The following TYW1 variants were observed in gnomAD, a reference collection of about 807,000 sequenced individuals.
TYW1 encodes the protein tRNA-yW synthesizing protein 1 homolog, also known as S-adenosyl-L-methionine-dependent tRNA 4-demethylwyosine synthase TYW1.
Under a neutral mutation model 96.2 loss-of-function variants are expected in TYW1, and 46 were observed. The observed-to-expected ratio is 0.48, with a 90% CI of 0.38 to 0.61. The LOEUF (loss-of-function observed/expected upper bound fraction) is 0.61. TYW1 is among the 20% of genes least tolerant of loss of function. The probability of loss-of-function intolerance (pLI) is 0.00; values close to 1 mark genes in which losing one functional copy is unlikely to be tolerated. For missense variants in TYW1, 684 were observed against 909.6 expected (o/e 0.75, Z 3.19); for synonymous variants, 274 against 323.0 (o/e 0.85, Z 1.63).
intron 15 of TYW1, among the ~76,000 whole-genome samples, chr7:67,230,097 C>T (rs1801699402): frequency 7.0e-6 from 1 of 141,858 alleles, no homozygotes; most frequent in Admixed American, 7.0e-5. Flanking sequence ...TAACACCCTC[C>T]AATTTGAATC....
At chr7:67,105,487 G>T (rs116680796) in intron 12 of TYW1, among the ~76,000 whole-genome samples, 1 of 152,074 alleles carries the variant, frequency 6.6e-6, no homozygotes, top group Non-Finnish European at 1.5e-5. Flanking sequence ...TGGAGCCAAC[G>T]CTGAAAAACC....
intron 13 of TYW1, among the ~76,000 whole-genome samples, chr7:67,172,874 C>G (rs963831939): frequency 1.3e-4 from 19 of 151,932 alleles, no homozygotes; most frequent in African/African-American, 4.1e-4. Flanking sequence ...AATCCCAGCA[C>G]TTTGGGAGTT....
intron 13 of TYW1, among the ~76,000 whole-genome samples, chr7:67,176,817 A>G (rs1181400717): frequency 2.0e-5 from 3 of 152,094 alleles, no homozygotes; most frequent in Non-Finnish European, 4.4e-5. Flanking sequence ...GACATTTTAG[A>G]CTGGATAGTT....
intron 9 of TYW1, among the ~76,000 whole-genome samples, chr7:67,062,577 A>AAAAAAAAAAAAAAAAG (rs773963932): frequency 1.2e-3 from 173 of 147,104 alleles, no homozygotes; most frequent in Non-Finnish European, 1.8e-3. Flanking sequence ...AAAAAAAAAA[A>AAAAAAAAAAAAAAAAG]AAAAGAAAAG....
At chr7:67,120,426 G>A (rs1797727849) in intron 13 of TYW1, among the ~76,000 whole-genome samples, 1 of 152,162 alleles carries the variant, frequency 6.6e-6, no homozygotes, top group Admixed American at 6.5e-5. Context: ...ACAGAGATTT[G>A]TAAAGTACCA....
At chr7:67,095,866 A>T (rs1228476634) in intron 11 of TYW1, among the ~76,000 whole-genome samples, 1 of 152,196 alleles carries the variant, frequency 6.6e-6, no homozygotes, top group African/African-American at 2.4e-5. Flanking sequence ...TGAGCAGTGA[A>T]ATTTAACTTT....
At chr7:67,035,622 C>T (rs796297294) in intron 7 of TYW1, among the ~76,000 whole-genome samples, 4 of 152,232 alleles carry the variant, frequency 2.6e-5, no homozygotes, top group African/African-American at 7.2e-5. Context: ...GGAAAGGATA[C>T]AGAAAATCAG....
intron 11 of TYW1, among the ~76,000 whole-genome samples, chr7:67,090,797 C>T (rs1796691712): frequency 6.6e-6 from 1 of 152,050 alleles, no homozygotes; most frequent in South Asian, 2.1e-4. Context: ...CTTTCTTCTC[C>T]AGGAATCCTT....
At chr7:67,227,514 C>A (rs1245051864) in intron 15 of TYW1, among the ~76,000 whole-genome samples, 1 of 152,124 alleles carries the variant, frequency 6.6e-6, no homozygotes, top group Non-Finnish European at 1.5e-5. Flanking sequence ...ACCTCAGCTG[C>A]CCAAAGTGCT....
chr7:67,056,357 T>C (rs776445922), intron 9 of TYW1, among the ~76,000 whole-genome samples: 2 of 152,124 alleles, frequency 1.3e-5, no homozygotes, highest in Non-Finnish European at 2.9e-5. Flanking sequence ...TCAGGTGTGG[T>C]GGTGGGCGTC....
chr7:67,238,966 G>A lies in TYW1; in HGVS notation c.*437G>A. 1 of 996,830 alleles carries A rather than the reference G, an allele frequency of 1.0e-6. No individual in the cohort carries two copies. The highest frequency in any genetic ancestry group is 4.4e-5 in the South Asian group (1 of 22,642). The allele number at this position is 996,830 out of a possible 1,614,324, so 61.7% of individuals were successfully genotyped here. On this transcript the variant is annotated 3_prime_UTR_variant, in exon 16 of 16. Coordinates refer to ENST00000359626, the MANE Select transcript of TYW1 (RefSeq NM_018264.4). ...TGAATTGCACTACCCTGAGCTAAACGTGTCTGTGCTTTCTAAGATAAGAGC... is the reference window on the plus strand; with the variant it reads ...TGAATTGCACTACCCTGAGCTAAACATGTCTGTGCTTTCTAAGATAAGAGC...
chr7:67,160,551 CAT>C, intron 13 of TYW1, among the ~76,000 whole-genome samples: 1 of 141,488 alleles, frequency 7.1e-6, no homozygotes, highest in Admixed American at 6.8e-5. Flanking sequence ...TATACATATA[CAT>C]ATACATATAC....
chr7:67,184,859 T>G (rs537328042), intron 14 of TYW1, among the ~76,000 whole-genome samples: 3 of 151,542 alleles, frequency 2.0e-5, no homozygotes, highest in African/African-American at 4.8e-5. Flanking sequence ...AGCTGCCCAC[T>G]ACCGCACCTG....
intron 10 of TYW1, among the ~76,000 whole-genome samples, chr7:67,077,673 T>G (rs1053513550): frequency 2.0e-5 from 3 of 152,258 alleles, no homozygotes; most frequent in Non-Finnish European, 4.4e-5. Context: ...TTGGAAATAT[T>G]TTCTGTCATT....
chr7:67,012,034 G>A (rs1439031282), intron 4 of TYW1, among the ~76,000 whole-genome samples: 1 of 151,914 alleles, frequency 6.6e-6, no homozygotes, highest in Admixed American at 6.6e-5. Flanking sequence ...GAGTGTGGCT[G>A]TGTTGCACTA....
At chr7:67,203,887 A>G (rs1255372753) in intron 15 of TYW1, among the ~76,000 whole-genome samples, 1 of 151,988 alleles carries the variant, frequency 6.6e-6, no homozygotes, top group Non-Finnish European at 1.5e-5. Flanking sequence ...TTCCTGAAGG[A>G]TGTTTTTGGC....
At chr7:67,031,192 C>CAAAAA (rs60531853) in intron 7 of TYW1, among the ~76,000 whole-genome samples, 153 of 107,778 alleles carry the variant, frequency 1.4e-3, no homozygotes, top group South Asian at 0.012. Context: ...GACTCCATCT[C>CAAAAA]AAAAAAAAAA....
chr7:67,059,099 T>TG (rs1795616673), intron 9 of TYW1, among the ~76,000 whole-genome samples: 1 of 147,346 alleles, frequency 6.8e-6, no homozygotes, highest in East Asian at 2.0e-4. Flanking sequence ...AGACAAAGTT[T>TG]TTTTTTTTTT....
At chr7:67,121,734 G>T (rs906029307) in intron 13 of TYW1, among the ~76,000 whole-genome samples, 1 of 150,700 alleles carries the variant, frequency 6.6e-6, no homozygotes, top group African/African-American at 2.5e-5. Context: ...AAAAAATTTT[G>T]ATTTGTCCCA....
Sources: allele counts gnomAD v4.1 joint callset (sites outside exome capture counted in the v4.1 genomes callset), GRCh38; gene constraint gnomAD v4.1.1; transcripts MANE v1.5; gene names NCBI Gene and HGNC (gene_info 2026-07-23, HGNC 2026-07-21).